Variants in TBL1X observed in about 807,000 individuals in gnomAD.
The protein encoded by TBL1X is F-box-like/WD repeat-containing protein TBL1X.
In TBL1X, 10 loss-of-function variants were observed where a neutral mutation model predicts 50.7. The ratio of observed to expected loss-of-function variants is 0.20; its 90% CI spans 0.12 to 0.33. The LOEUF is 0.33. Ranked by LOEUF, TBL1X falls within the 10% of genes least tolerant of loss-of-function variation. The probability of loss-of-function intolerance (pLI) is 1.00; values close to 1 mark genes in which losing one functional copy is unlikely to be tolerated. For missense variants in TBL1X, 340 were observed against 504.4 expected, an observed-to-expected ratio of 0.67 and a Z score of 3.12; for synonymous variants, 190 against 214.7, an observed-to-expected ratio of 0.88 and a Z score of 1.01.
chrX:9,598,028 G>A (rs965871756), intron 2 of TBL1X, among the ~76,000 whole-genome samples: 4 of 111,807 alleles, frequency 3.6e-5, no homozygotes, highest in African/African-American at 1.3e-4. Context: ...GATCTTAACC[G>A]AGTGTGACTG....
chrX:9,605,364 T>C (rs1458695328), intron 2 of TBL1X, among the ~76,000 whole-genome samples: 1 of 112,165 alleles, frequency 8.9e-6, no homozygotes, highest in Non-Finnish European at 1.9e-5. Flanking sequence ...GGAAAAAAAT[T>C]TCAATTCTGT....
At chrX:9,552,213 C>T (rs142074044) in intron 2 of TBL1X, among the ~76,000 whole-genome samples, 1,647 of 110,694 alleles carry the variant, frequency 0.015, 25 homozygotes, top group African/African-American at 0.052. Flanking sequence ...TTGAGGTGGC[C>T]GCGTAGGCAT....
intron 2 of TBL1X, among the ~76,000 whole-genome samples, chrX:9,537,528 T>A (rs1005819165): frequency 1.8e-5 from 2 of 111,911 alleles, no homozygotes; most frequent in South Asian, 3.7e-4. Flanking sequence ...CTACTTTCTC[T>A]CTCTATGATT....
intron 1 of TBL1X, among the ~76,000 whole-genome samples, chrX:9,491,329 TATA>T (rs1420779481): frequency 2.7e-4 from 8 of 29,291 alleles, no homozygotes; most frequent in African/African-American, 8.6e-4. Flanking sequence ...TATATATATA[TATA>T]TATATATTTT....
chrX:9,581,809 G>A (rs1049677103), intron 2 of TBL1X, among the ~76,000 whole-genome samples: 3 of 112,086 alleles, frequency 2.7e-5, no homozygotes, highest in African/African-American at 6.5e-5. Context: ...CATGAGGCTC[G>A]GATCACAGAA....
intron 2 of TBL1X, among the ~76,000 whole-genome samples, chrX:9,554,985 A>G (rs1416391888): frequency 1.8e-5 from 2 of 112,317 alleles, no homozygotes; most frequent in African/African-American, 6.5e-5. Flanking sequence ...AAATCCAATC[A>G]TATAACCTGT....
At chrX:9,590,929 G>A (rs1261156602) in intron 2 of TBL1X, among the ~76,000 whole-genome samples, 1 of 104,244 alleles carries the variant, frequency 9.6e-6, no homozygotes, top group East Asian at 3.1e-4. Flanking sequence ...ACTTCAGGGG[G>A]CTGTGCCTTT....
At chrX:9,668,769 A>G (rs969797888) in intron 5 of TBL1X, among the ~76,000 whole-genome samples, 1 of 111,904 alleles carries the variant, frequency 8.9e-6, no homozygotes, top group African/African-American at 3.2e-5. Flanking sequence ...TACAGAGCCA[A>G]CAAAAGCCCC....
At chrX:9,503,219 C>T (rs1169319897) in intron 2 of TBL1X, among the ~76,000 whole-genome samples, 5 of 111,552 alleles carry the variant, frequency 4.5e-5, no homozygotes, top group Non-Finnish European at 5.7e-5. Context: ...GGAAAGGGAA[C>T]CCCCTCACTC....
intron 2 of TBL1X, among the ~76,000 whole-genome samples, chrX:9,584,470 G>A (rs1019990041): frequency 8.9e-6 from 1 of 112,350 alleles, no homozygotes; most frequent in African/African-American, 3.2e-5. Flanking sequence ...CTATGTCAAA[G>A]TGGGAGGAGC....
chrX:9,486,767 G>A (rs912802804), intron 1 of TBL1X, among the ~76,000 whole-genome samples: 1 of 111,601 alleles, frequency 9.0e-6, no homozygotes, highest in Non-Finnish European at 1.9e-5. Context: ...ACGGGCCATG[G>A]TCACTCATAT....
intron 3 of TBL1X, among the ~76,000 whole-genome samples, chrX:9,649,960 T>A (rs1315039556): frequency 9.0e-6 from 1 of 111,684 alleles, no homozygotes; most frequent in Non-Finnish European, 1.9e-5. Context: ...TGCTAATTTT[T>A]AAAATTTTTT....
intron 2 of TBL1X, among the ~76,000 whole-genome samples, chrX:9,571,910 A>C (rs921133496): frequency 1.8e-5 from 2 of 112,591 alleles, no homozygotes; most frequent in African/African-American, 6.5e-5. Flanking sequence ...AGCATGTGAC[A>C]TAATTTCCTT....
intron 1 of TBL1X, among the ~76,000 whole-genome samples, chrX:9,497,308 C>G (rs2081975731): frequency 9.6e-6 from 1 of 103,660 alleles, no homozygotes. Flanking sequence ...ACTAGGGAGG[C>G]TGAGGCAGGA....
At chrX:9,581,645 C>T (rs2082442984) in intron 2 of TBL1X, among the ~76,000 whole-genome samples, 1 of 112,125 alleles carries the variant, frequency 8.9e-6, no homozygotes, top group Non-Finnish European at 1.9e-5. Flanking sequence ...CTCACAAATG[C>T]CAACATAAGA....
intron 2 of TBL1X, among the ~76,000 whole-genome samples, chrX:9,532,416 A>G (rs1456013096): frequency 1.8e-5 from 2 of 111,638 alleles, no homozygotes; most frequent in Non-Finnish European, 3.8e-5. Flanking sequence ...ATAAGGGACA[A>G]AGGGTTGGGA....
intron 17 of TBL1X, among the ~76,000 whole-genome samples, chrX:9,715,730 C>T (rs1240067226): frequency 1.8e-5 from 2 of 111,912 alleles, no homozygotes; most frequent in South Asian, 3.7e-4. Context: ...AAGCCCGGGC[C>T]TCTGGTGGCC....
At position 9,718,553 on chromosome X, in the gene TBL1X, T is replaced by A. The variant is rs1242739576; in HGVS notation, c.*2307T>A. ...AAGTTTAGAGTACAGTTTGTTGGGG[T>A]CCAAAAGACACCATCTCTACCCCAC... is the stretch of plus-strand genomic sequence containing the variant. On this transcript the variant is annotated 3_prime_UTR_variant, in exon 18 of 18. Transcript: ENST00000645353. 9.0e-6 allele frequency: 1 copy of A among 111,240 alleles called. No homozygotes were observed. Among genetic ancestry groups the A allele is most frequent in the African/African-American group, 3.3e-5 (1 of 30,601 alleles). 9.2% of individuals were successfully genotyped at this position (111,240 alleles called of 1,213,427 possible). A position where few individuals can be genotyped will look rare whatever the true frequency, so the allele number is the denominator to read the frequency against.
At chrX:9,598,300 A>C (rs1043322150) in intron 2 of TBL1X, among the ~76,000 whole-genome samples, 10 of 112,176 alleles carry the variant, frequency 8.9e-5, no homozygotes, top group Non-Finnish European at 1.9e-4. Flanking sequence ...AGCCTTTCCC[A>C]AATATTTCAG....
Sources: allele counts gnomAD v4.1 joint callset (sites outside exome capture counted in the v4.1 genomes callset), GRCh38; gene constraint gnomAD v4.1.1; transcripts MANE v1.5; gene names NCBI Gene and HGNC (gene_info 2026-07-23, HGNC 2026-07-21).